The following LAMC3 variants were observed in gnomAD, a reference collection of about 807,000 sequenced individuals.
LAMC3 encodes the protein laminin subunit gamma-3.
In LAMC3, 128 loss-of-function variants were observed where a neutral mutation model predicts 173.8. The ratio of observed to expected loss-of-function variants is 0.74; its 90% CI spans 0.64 to 0.85. LAMC3 has a LOEUF of 0.85. Among genes scored for constraint, LAMC3 ranks in the 40% least tolerant of loss-of-function variants. The pLI, the probability that LAMC3 is intolerant of heterozygous loss-of-function variation, is 0.00. For synonymous variants in LAMC3, 897 were observed against 909.1 expected, an observed-to-expected ratio of 0.99 and a Z score of 0.24; for missense variants, 2,022 against 2,156.0, an observed-to-expected ratio of 0.94 and a Z score of 1.23.
In LAMC3 at chr9:131,085,652, G is replaced by A. The variant is rs769688460; in HGVS notation, c.4159G>A (p.Ala1387Thr). The A allele has an allele frequency of 2.2e-5, 35 of 1,614,174 alleles. No homozygotes were observed. The highest frequency in any genetic ancestry group is 1.6e-4 in the Middle Eastern group (1 of 6,062). The change falls in exon 25 of 28, where the codon GCG becomes ACG. Residue 1387 changes from alanine (A) to threonine (T), a missense_variant. By Grantham distance (58) the Ala-to-Thr change is moderately conservative. Transcript: ENST00000361069. The stretch of plus-strand genomic sequence containing the variant: ...GCAGGCGGAGAGGATGCTGGGAAAC[G>A]CGGCCCCTCTTTCCTCCAGTGCCAA... The part of the protein sequence containing the change: ...TKQAERMLGN[A>T]APLSSSAKKK...
chr9:131,067,022 C>T lies in LAMC3; in HGVS notation c.2410C>T (p.Pro804Ser), dbSNP rs918232559. ...GGACCCGCTGGGGCTCTTTGGGCAC[C>T]CCCAGCCCTGCCACCAGTGCCAGTG... ...FGDPLGLFGH[P>S]QPCHQCQCSG... The change falls in exon 14 of 28, where the codon CCC becomes TCC. Residue 804 changes from proline (P) to serine (S), a missense_variant. Coordinates refer to ENST00000361069, the MANE Select transcript of LAMC3 (RefSeq NM_006059.4). 2 of 1,613,946 alleles carry T rather than the reference C, an allele frequency of 1.2e-6. No individual in the cohort carries two copies. Among genetic ancestry groups the T allele is most frequent in the African/African-American group, 1.3e-5 (1 of 74,906 alleles).
chr9:131,069,274 C>T (rs1016786133), intron 16 of LAMC3, among the ~76,000 whole-genome samples: 4 of 152,150 alleles, frequency 2.6e-5, no homozygotes, highest in African/African-American at 7.2e-5. Context: ...TGCTTGTGAC[C>T]CTCGCCCAAG....
intron 21 of LAMC3, 25 bp downstream of exon 21, chr9:131,075,990 G>T: frequency 1.4e-5 from 22 of 1,585,382 alleles, no homozygotes; most frequent in Non-Finnish European, 1.9e-5. Context: ...GGTGTGGGTA[G>T]AAACTTTGGG....
intron 23 of LAMC3, among the ~76,000 whole-genome samples, chr9:131,081,256 A>G (rs1698831777): frequency 6.6e-6 from 1 of 152,234 alleles, no homozygotes. Flanking sequence ...AGGCTCGGTC[A>G]TATTCCAGTG....
At chr9:131,010,824 C>T (rs1393552720) in intron 1 of LAMC3, among the ~76,000 whole-genome samples, 2 of 152,222 alleles carry the variant, frequency 1.3e-5, no homozygotes, top group African/African-American at 2.4e-5. Context: ...CTGGACCCAG[C>T]CCCGGTTCTC....
chr9:131,039,674 G>GA (rs1554785341), intron 6 of LAMC3, among the ~76,000 whole-genome samples: 1 of 151,978 alleles, frequency 6.6e-6, no homozygotes, highest in Non-Finnish European at 1.5e-5. Context: ...TGACTGTGGA[G>GA]AGGGAGAGCA....
intron 14 of LAMC3, among the ~76,000 whole-genome samples, chr9:131,067,697 C>A (rs1339140123): frequency 6.6e-6 from 1 of 152,184 alleles, no homozygotes; most frequent in African/African-American, 2.4e-5. Flanking sequence ...GCAGGAAACA[C>A]CGCTCTGGCC....
chr9:131,084,033 C>G (rs1381459348), intron 24 of LAMC3, among the ~76,000 whole-genome samples: 1 of 136,292 alleles, frequency 7.3e-6, no homozygotes, highest in Non-Finnish European at 1.5e-5. Flanking sequence ...CGCCACCACA[C>G]CCGGCATTTT....
intron 3 of LAMC3, 73 bp from the exon 4 acceptor site, chr9:131,036,084 AACAGGGGCT>A (rs1261230476): frequency 5.4e-6 from 8 of 1,478,210 alleles, no homozygotes; most frequent in Non-Finnish European, 7.6e-6. Context: ...CACACCTGCA[AACAGGGGCT>A]ACCTGGTGAC....
chr9:131,061,354 C>A, intron 13 of LAMC3, 131 bp downstream of exon 13: 1 of 743,994 alleles, frequency 1.3e-6, no homozygotes, highest in Non-Finnish European at 2.2e-6. Context: ...AGCTTACGGG[C>A]AGCAGGCATG....
chr9:131,076,010 C>G (rs754414704), intron 21 of LAMC3, 45 bp downstream of exon 21: 4 of 1,554,890 alleles, frequency 2.6e-6, no homozygotes, highest in Non-Finnish European at 3.5e-6. Flanking sequence ...GGTTGGCCTC[C>G]TGGAGCCAAC....
chr9:131,021,047 G>A (rs1376239229), intron 1 of LAMC3: 1 of 152,144 alleles, frequency 6.6e-6, no homozygotes, highest in Non-Finnish European at 1.5e-5. Flanking sequence ...AGGATGGTAG[G>A]GGATATTTCC....
chr9:131,034,379 C>T (rs532598650), intron 3 of LAMC3, among the ~76,000 whole-genome samples: 4 of 152,330 alleles, frequency 2.6e-5, no homozygotes, highest in Admixed American at 2.0e-4. Flanking sequence ...CTGGGCCTTG[C>T]GTGGAAGCCG....
intron 6 of LAMC3, among the ~76,000 whole-genome samples, chr9:131,040,615 G>C (rs1056634487): frequency 1.3e-5 from 2 of 152,160 alleles, no homozygotes; most frequent in African/African-American, 2.4e-5. Flanking sequence ...GCATAAAACT[G>C]ACCATGAGAT....
At chr9:131,013,469 T>G (rs773655110) in intron 1 of LAMC3, among the ~76,000 whole-genome samples, 34 of 152,294 alleles carry the variant, frequency 2.2e-4, no homozygotes, top group Non-Finnish European at 4.7e-4. Context: ...TGACTTCTTC[T>G]TGCTTTCATT....
chr9:131,046,516 G>GTTTTTTTTTTTTTT (rs1443313320), intron 8 of LAMC3, among the ~76,000 whole-genome samples: 6 of 38,754 alleles, frequency 1.5e-4, no homozygotes, highest in Non-Finnish European at 1.6e-4. Flanking sequence ...GCTAATTTTT[G>GTTTTTTTTTTTTTT]TATTTTTTTT....
chr9:131,009,889 G>T lies in LAMC3; in HGVS notation c.373+302G>T, dbSNP rs1262010554. 6.6e-6 allele frequency among the ~76,000 whole-genome samples: 1 copy of T among 151,692 alleles called. No individual in the cohort carries two copies. Reference sequence around the variant, plus strand: ...GAAAAATAGGCCGGGCGCGGTGGCTGACGTCTGTAATCCCAGCACTTTGGG... The same window carrying T: ...GAAAAATAGGCCGGGCGCGGTGGCTTACGTCTGTAATCCCAGCACTTTGGG... On this transcript the variant is annotated intron_variant, in intron 1 of 27. Transcript: ENST00000361069. This position sits in a 1 kb window ranked among gnomAD's most constrained non-coding sequence, Gnocchi z 4.3.
intron 12 of LAMC3, among the ~76,000 whole-genome samples, chr9:131,060,404 A>G (rs532784334): frequency 6.6e-6 from 1 of 152,246 alleles, no homozygotes; most frequent in African/African-American, 2.4e-5. Flanking sequence ...AGAACTTTGG[A>G]AGGCTGAGGC....
chr9:131,078,378 A>T (rs759117088), intron 22 of LAMC3, among the ~76,000 whole-genome samples: 2 of 152,024 alleles, frequency 1.3e-5, no homozygotes, highest in Non-Finnish European at 2.9e-5. Context: ...TGTAGTCCCA[A>T]CTACTCGGGA....
Sources: allele counts gnomAD v4.1 joint callset (sites outside exome capture counted in the v4.1 genomes callset), GRCh38; gene constraint gnomAD v4.1.1; non-coding constraint Gnocchi (gnomAD v3.1); transcripts MANE v1.5; gene names NCBI Gene and HGNC (gene_info 2026-07-23, HGNC 2026-07-21).